DAB1: variants seen among roughly 807,000 people sequenced by gnomAD.
DAB1 encodes disabled homolog 1.
In DAB1, 15 loss-of-function variants were observed where a neutral mutation model predicts 64.6. The ratio of observed to expected loss-of-function variants is 0.23; its 90% CI spans 0.16 to 0.36. The LOEUF is 0.36. DAB1 is among the 10% of genes least tolerant of loss of function. DAB1 has a pLI of 1.00. For synonymous variants in DAB1, 235 were observed against 251.9 expected (o/e 0.93, Z 0.64); for missense variants, 596 against 706.7 (o/e 0.84, Z 1.78).
chr1:57,626,615 T>C (rs939801789), intron 7 of DAB1, among the ~76,000 whole-genome samples: 1 of 152,142 alleles, frequency 6.6e-6, no homozygotes, highest in African/African-American at 2.4e-5. Flanking sequence ...AATTGGGTGG[T>C]TTATAAATAA....
At chr1:57,059,957 C>G (rs1650212198) in intron 9 of DAB1, among the ~76,000 whole-genome samples, 1 of 152,032 alleles carries the variant, frequency 6.6e-6, no homozygotes, top group Non-Finnish European at 1.5e-5. Context: ...TCTGAGAGAA[C>G]AGCGGGTTGG....
At chr1:58,366,895 C>A (rs967561120) in intron 3 of DAB1, among the ~76,000 whole-genome samples, 1 of 152,118 alleles carries the variant, frequency 6.6e-6, no homozygotes, top group Admixed American at 6.6e-5. Flanking sequence ...AAGATAATAC[C>A]ATTGTTTTAA....
At chr1:57,645,431 C>A (rs183447427) in intron 7 of DAB1, among the ~76,000 whole-genome samples, 6 of 152,240 alleles carry the variant, frequency 3.9e-5, no homozygotes, top group Admixed American at 3.3e-4. Flanking sequence ...TGTTTCTCTG[C>A]CCCTAGGAAT....
intron 7 of DAB1, among the ~76,000 whole-genome samples, chr1:57,444,471 G>A (rs901799788): frequency 1.3e-5 from 2 of 152,146 alleles, no homozygotes; most frequent in African/African-American, 2.4e-5. Context: ...GGTCACTATA[G>A]TGGGTTGAAT....
At chr1:58,307,608 A>G (rs1156899920) in intron 4 of DAB1, among the ~76,000 whole-genome samples, 1 of 152,170 alleles carries the variant, frequency 6.6e-6, no homozygotes, top group Non-Finnish European at 1.5e-5. Flanking sequence ...TGAATCATCC[A>G]GCTGTAGTCC....
At chr1:57,897,207 T>C (rs139036832) in intron 5 of DAB1, among the ~76,000 whole-genome samples, 111 of 152,352 alleles carry the variant, frequency 7.3e-4, no homozygotes, top group African/African-American at 2.6e-3. Context: ...GGATAATATA[T>C]ATTTTCACCT....
At chr1:57,533,199 T>C (rs1644685432) in intron 7 of DAB1, among the ~76,000 whole-genome samples, 2 of 152,072 alleles carry the variant, frequency 1.3e-5, no homozygotes, top group Non-Finnish European at 2.9e-5. Context: ...AATGTGAAAC[T>C]GCCATCCTCT....
intron 2 of DAB1, among the ~76,000 whole-genome samples, chr1:58,524,161 T>A (rs4912342): frequency 0.12 from 17,701 of 152,236 alleles, 1,229 homozygotes; most frequent in African/African-American, 0.18. Context: ...CTGCCTTAAA[T>A]CTTGATGCTC....
At chr1:57,327,105 AT>A (rs898907590) in intron 1 of DAB1, among the ~76,000 whole-genome samples, 10 of 151,868 alleles carry the variant, frequency 6.6e-5, no homozygotes, top group Non-Finnish European at 1.5e-4. Context: ...CACTTGGCTA[AT>A]TTTTTTTATT....
At chr1:58,518,354 G>GAGGA (rs1428140129) in intron 2 of DAB1, among the ~76,000 whole-genome samples, 4 of 32,434 alleles carry the variant, frequency 1.2e-4, no homozygotes, top group Non-Finnish European at 3.1e-4. Context: ...AGAAGAGAAG[G>GAGGA]GAAGGGAAGA....
chr1:57,541,302 T>G (rs531294024), intron 7 of DAB1, among the ~76,000 whole-genome samples: 2 of 152,208 alleles, frequency 1.3e-5, no homozygotes, highest in East Asian at 3.9e-4. Context: ...CTAATTTTTT[T>G]GTATTTTTAG....
At chr1:58,425,362 G>C (rs1644812678) in intron 3 of DAB1, among the ~76,000 whole-genome samples, 1 of 152,216 alleles carries the variant, frequency 6.6e-6, no homozygotes, top group African/African-American at 2.4e-5. Context: ...AGCTGTCACA[G>C]GGTCCAGCTG....
intron 4 of DAB1, among the ~76,000 whole-genome samples, chr1:57,079,740 C>G (rs1652314132): frequency 6.6e-6 from 1 of 152,176 alleles, no homozygotes; most frequent in Admixed American, 6.5e-5. Flanking sequence ...TTTGCATATG[C>G]TGTTCCAGTT....
At chr1:58,269,370 G>T (rs1209107776) in intron 4 of DAB1, among the ~76,000 whole-genome samples, 6 of 150,046 alleles carry the variant, frequency 4.0e-5, no homozygotes, top group Admixed American at 1.3e-4. Flanking sequence ...CTGCATAGTA[G>T]TCCATGGTGT....
chr1:57,909,172 G>A (rs926497470), intron 5 of DAB1, among the ~76,000 whole-genome samples: 5 of 152,122 alleles, frequency 3.3e-5, no homozygotes, highest in African/African-American at 1.2e-4. Flanking sequence ...AAGGGTTGTG[G>A]GTTCTAGTCT....
intron 1 of DAB1, among the ~76,000 whole-genome samples, chr1:57,400,100 T>G (rs1292465389): frequency 2.6e-5 from 4 of 152,192 alleles, no homozygotes; most frequent in Admixed American, 2.6e-4. Flanking sequence ...TCTTTCAAAC[T>G]TGTAATATCA....
At chr1:58,427,453 C>T (rs980995775) in intron 3 of DAB1, among the ~76,000 whole-genome samples, 27 of 151,680 alleles carry the variant, frequency 1.8e-4, no homozygotes, top group Admixed American at 2.0e-4. Flanking sequence ...AGAGTGGAGT[C>T]GAGGGGAACA....
chr1:57,786,236 C>A (rs925741322), intron 6 of DAB1, among the ~76,000 whole-genome samples: 7 of 152,090 alleles, frequency 4.6e-5, no homozygotes, highest in Non-Finnish European at 8.8e-5. Flanking sequence ...GCACTGGGAG[C>A]CAAAAAATTC....
chr1:58,031,911 AT>A (rs1299265144), intron 5 of DAB1, among the ~76,000 whole-genome samples: 1 of 150,740 alleles, frequency 6.6e-6, no homozygotes, highest in Admixed American at 6.6e-5. Flanking sequence ...CTATACCCTC[AT>A]TTCCTAAGGT....
Sources: gnomAD v4.1 joint callset for allele counts (sites outside exome capture counted in the v4.1 genomes callset) on GRCh38, gnomAD v4.1.1 for gene constraint, MANE v1.5 for transcripts, NCBI Gene and HGNC (gene_info 2026-07-23, HGNC 2026-07-21) for gene names.